Variants in SVOPL observed in about 807,000 individuals in gnomAD.
SVOPL encodes SVOP like.
In SVOPL, 60 loss-of-function variants were observed where a neutral mutation model predicts 61.0. That is an observed-to-expected ratio of 0.98 (90% confidence interval 0.80 to 1.22). The LOEUF (loss-of-function observed/expected upper bound fraction) is 1.22, where lower values mean the gene tolerates loss of function less well. Ranked by LOEUF, SVOPL falls within the 50% of genes most tolerant of loss-of-function variation. SVOPL has a pLI of 0.00. For synonymous variants in SVOPL, 279 were observed against 250.0 expected (o/e 1.12, Z -1.09); for missense variants, 662 against 643.9 (o/e 1.03, Z -0.30).
At chr7:138,658,130 G>C (rs1393670936) in intron 6 of SVOPL, among the ~76,000 whole-genome samples, 1 of 152,182 alleles carries the variant, frequency 6.6e-6, no homozygotes, top group African/African-American at 2.4e-5. Context: ...GTCTTGTGAT[G>C]TGTATCTTGT....
chr7:138,641,884 G>C (rs1456063242), intron 9 of SVOPL, among the ~76,000 whole-genome samples: 1 of 137,236 alleles, frequency 7.3e-6, no homozygotes, highest in East Asian at 2.1e-4. Flanking sequence ...TGTATATATA[G>C]TCAATGGGTA....
chr7:138,630,172 CG>C, intron 9 of SVOPL, 50 bp from the exon 10 acceptor site: 1 of 1,456,590 alleles, frequency 6.9e-7, no homozygotes, highest in Non-Finnish European at 9.6e-7. Flanking sequence ...TAAGGATGAA[CG>C]GAGATGTTTC....
Position 138,644,828 on chromosome 7 carries a change from G to A in SVOPL, c.678C>T (p.Ala226=), listed in dbSNP as rs1379228962. The change falls in exon 9 of 16, where the codon GCC becomes GCT. Residue 226 remains alanine (A), a synonymous_variant. Coordinates refer to ENST00000674285, the MANE Select transcript of SVOPL (RefSeq NM_001139456.2). ...IVAFKFIPES[A]RFNVSTGNTR... ...TGTTCCCAGTGGAGACATTGAACCG[G>A]GCAGATTCAGGAATAAACTGGGTAG... 1.2e-6 allele frequency: 2 copies of A among 1,614,136 alleles called. No individual in the cohort carries two copies. Among genetic ancestry groups the A allele is most frequent in the Non-Finnish European group, 1.7e-6 (2 of 1,180,032 alleles).
chr7:138,695,925 G>A (rs552514774), intron 1 of SVOPL, among the ~76,000 whole-genome samples: 52 of 152,022 alleles, frequency 3.4e-4, no homozygotes, highest in African/African-American at 1.1e-3. Flanking sequence ...TGCGACTACA[G>A]GTGTGTGCCA....
intron 1 of SVOPL, among the ~76,000 whole-genome samples, 167 bp from the exon 2 acceptor site, chr7:138,679,246 A>C (rs1037945060): frequency 2.6e-5 from 4 of 152,060 alleles, no homozygotes; most frequent in African/African-American, 9.7e-5. Flanking sequence ...CAAGCAGCTC[A>C]GTGTTTTTTT....
chr7:138,636,303 G>C (rs976731441), intron 9 of SVOPL, among the ~76,000 whole-genome samples: 2 of 152,172 alleles, frequency 1.3e-5, no homozygotes, highest in African/African-American at 4.8e-5. Flanking sequence ...CATTTTATAA[G>C]AAATGTGCAG....
At chr7:138,611,578 T>C (rs1261658768) in intron 14 of SVOPL, among the ~76,000 whole-genome samples, 1 of 152,112 alleles carries the variant, frequency 6.6e-6, no homozygotes, top group Admixed American at 6.6e-5. Flanking sequence ...TGAAGTTCTC[T>C]GTCATCTTAC....
chr7:138,637,451 G>GATATAT (rs1563108568), intron 9 of SVOPL, among the ~76,000 whole-genome samples: 3 of 36,024 alleles, frequency 8.3e-5, no homozygotes, highest in African/African-American at 4.1e-4. Context: ...TAGATAGATA[G>GATATAT]ATAGATATAT....
chr7:138,643,439 AAAAG>A (rs1800936267), intron 9 of SVOPL, among the ~76,000 whole-genome samples: 2 of 151,542 alleles, frequency 1.3e-5, no homozygotes, highest in South Asian at 2.1e-4. Context: ...AAAAAAAAAA[AAAAG>A]AAAGTGAGGC....
At chr7:138,643,296 G>A (rs575315953) in intron 9 of SVOPL, among the ~76,000 whole-genome samples, 1 of 151,958 alleles carries the variant, frequency 6.6e-6, no homozygotes, top group Admixed American at 6.6e-5. Context: ...ATGGTGGCAG[G>A]CGCCTGTAGT....
chr7:138,674,037 A>T (rs1802494712), intron 3 of SVOPL, among the ~76,000 whole-genome samples: 1 of 151,816 alleles, frequency 6.6e-6, no homozygotes, highest in Non-Finnish European at 1.5e-5. Context: ...ATACAAAATA[A>T]ATTAGCTGGG....
At chr7:138,675,103 G>C (rs1394645030) in intron 3 of SVOPL, among the ~76,000 whole-genome samples, 19 of 151,542 alleles carry the variant, frequency 1.3e-4, no homozygotes, top group Non-Finnish European at 1.5e-5. Context: ...TCTTTTTTAT[G>C]CTAGACTGTT....
At position 138,672,005 on chromosome 7, in the gene SVOPL, G is replaced by A; in HGVS notation, c.273+14C>T. On this transcript the variant is annotated intron_variant, in intron 4 of 15. Transcript: ENST00000674285. ...TCAGTTGCTGTGTTCACGGCACAGG[G>A]AGCAGGTACTTACCGTGGTTACTAA... The A allele has an allele frequency of 6.4e-7, 1 of 1,550,884 alleles. No homozygotes were observed. Among genetic ancestry groups the A allele is most frequent in the African/African-American group, 1.4e-5 (1 of 73,148 alleles).
At chr7:138,675,848 C>T (rs1429699394) in intron 3 of SVOPL, among the ~76,000 whole-genome samples, 1 of 151,556 alleles carries the variant, frequency 6.6e-6, no homozygotes, top group Admixed American at 6.6e-5. Flanking sequence ...TTTTGTTCCC[C>T]GCCTTCCACC....
In SVOPL at chr7:138,628,218, G is replaced by A. The variant is rs1191323220; in HGVS notation, c.1009C>T (p.His337Tyr). The A allele has an allele frequency of 3.1e-6, 5 of 1,614,138 alleles. No homozygotes were observed. In the African/African-American group the frequency reaches 6.7e-5, roughly 22 times the overall value. Residue 337 changes from histidine (H) to tyrosine (Y), a missense_variant, in exon 11 of 16, where the codon CAC becomes TAC. Transcript: ENST00000674285. ...SGESQSPCYC[H>Y]MFAPSDYRTM... Reference sequence around the variant, plus strand: ...CGATAGTCAGAGGGTGCAAACATGTGGCAGTAGCAGGGGCTCTGGCTCTCC... The same window carrying A: ...CGATAGTCAGAGGGTGCAAACATGTAGCAGTAGCAGGGGCTCTGGCTCTCC...
chr7:138,697,065 A>T (rs758287388), intron 1 of SVOPL, among the ~76,000 whole-genome samples: 3 of 152,072 alleles, frequency 2.0e-5, no homozygotes, highest in Non-Finnish European at 4.4e-5. Flanking sequence ...ATGCCATTGA[A>T]ATGTTCATTT....
intron 4 of SVOPL, chr7:138,663,457 A>C: frequency 8.3e-7 from 1 of 1,199,360 alleles, no homozygotes; most frequent in Non-Finnish European, 1.0e-6. Context: ...TTCCACTGTA[A>C]TTTTTAAAAT....
chr7:138,649,924 C>T (rs754031881), intron 7 of SVOPL, among the ~76,000 whole-genome samples: 6 of 151,824 alleles, frequency 4.0e-5, no homozygotes, highest in African/African-American at 9.7e-5. Flanking sequence ...CTCTGCCTCC[C>T]GGGTTCAAGC....
At chr7:138,660,715 G>T (rs921047102) in intron 5 of SVOPL, 1 of 985,216 alleles carries the variant, frequency 1.0e-6, no homozygotes, top group Non-Finnish European at 1.2e-6. Context: ...AAATGTTCAG[G>T]TTAGCAGAAT....
Sources: allele counts gnomAD v4.1 joint callset (sites outside exome capture counted in the v4.1 genomes callset), GRCh38; gene constraint gnomAD v4.1.1; transcripts MANE v1.5; gene names NCBI Gene and HGNC (gene_info 2026-07-23, HGNC 2026-07-21).